Variants in EML5 observed in about 807,000 individuals in gnomAD.
EML5 encodes echinoderm microtubule-associated protein-like 5.
A neutral mutation model predicts 250.0 loss-of-function variants in EML5; 120 were observed. That is an observed-to-expected ratio of 0.48 (90% CI 0.41 to 0.56). EML5 has a LOEUF of 0.56. EML5 is among the 20% of genes least tolerant of loss of function. The pLI is 0.00. For missense variants in EML5, 2,006 were observed against 2,437.6 expected (o/e 0.82, Z 3.73); for synonymous variants, 771 against 806.5 (o/e 0.96, Z 0.75).
intron 27 of EML5, among the ~76,000 whole-genome samples, chr14:88,650,904 A>C (rs2091589737): frequency 6.6e-6 from 1 of 152,146 alleles, no homozygotes; most frequent in African/African-American, 2.4e-5. Flanking sequence ...AGCCTCCCAA[A>C]GCACTGAGAT....
At chr14:88,756,510 C>T (rs2094161822) in intron 1 of EML5, among the ~76,000 whole-genome samples, 1 of 151,794 alleles carries the variant, frequency 6.6e-6, no homozygotes, top group African/African-American at 2.4e-5. Flanking sequence ...AAAAATAGGC[C>T]AGGAAAAGGA....
intron 21 of EML5, among the ~76,000 whole-genome samples, chr14:88,666,943 T>C (rs1256897538): frequency 6.6e-6 from 1 of 152,180 alleles, no homozygotes; most frequent in African/African-American, 2.4e-5. Context: ...GAGATGATGA[T>C]GACCTGGAGC....
intron 8 of EML5, among the ~76,000 whole-genome samples, chr14:88,721,708 G>A (rs770044614): frequency 1.8e-4 from 28 of 152,238 alleles, no homozygotes; most frequent in African/African-American, 4.8e-5. Context: ...ATGGGCATGC[G>A]CAAAGATTTC....
Position 88,657,431 on chromosome 14 carries a change from G to A in EML5, c.3949C>T (p.Pro1317Ser), listed in dbSNP as rs2091912873. The A allele has an allele frequency of 4.4e-6, 7 of 1,600,516 alleles. No individual in the cohort carries two copies. Among genetic ancestry groups the A allele is most frequent in the Non-Finnish European group, 6.0e-6 (7 of 1,172,664 alleles). ...TIRALSTNIR[P>S]MLGIKPHLQQ... ...AAATGAGGCTTGATTCCTAACATTG[G>A]GCGAATATTTGTTGATAAGGCTCTG... Residue 1317 changes from proline to serine, a missense_variant, in exon 27 of 44, where the codon CCA (proline) becomes TCA (serine). This residue lies in a region of EML5 where 1,375 missense variants were observed against 1,590.3 expected (regional missense o/e 0.86). Coordinates refer to ENST00000554922, the MANE Select transcript of EML5 (RefSeq NM_183387.3).
intron 27 of EML5, among the ~76,000 whole-genome samples, chr14:88,655,808 G>A (rs2091846353): frequency 1.3e-5 from 2 of 151,970 alleles, no homozygotes; most frequent in Non-Finnish European, 2.9e-5. Context: ...AAAAAGCTAA[G>A]GATATGAACA....
chr14:88,646,819 G>GC, intron 29 of EML5, 128 bp downstream of exon 29: 2 of 897,856 alleles, frequency 2.2e-6, no homozygotes, highest in Non-Finnish European at 3.2e-6. Flanking sequence ...CAATTCCAAA[G>GC]GAAAAAAATG....
At position 88,710,028 on chromosome 14, in the gene EML5, T is replaced by A. The variant is rs774141030; in HGVS notation, c.1657+2243A>T. Among the ~76,000 whole-genome samples, 119 of 152,304 alleles carry A rather than the reference T, an allele frequency of 7.8e-4. 3 individuals are homozygous for A. The Middle Eastern group carries it at 0.017, about 22-fold the overall frequency. On this transcript the variant is annotated intron_variant, in intron 10 of 43. Coordinates refer to ENST00000554922, the MANE Select transcript of EML5 (RefSeq NM_183387.3). ...GGGTCTTGGCCATTATTAACAGTGA[T>A]GGAGGTGATGGGCTAACGTAACTCT...
intron 17 of EML5, among the ~76,000 whole-genome samples, chr14:88,692,943 T>C (rs1191471417): frequency 6.6e-6 from 1 of 152,208 alleles, no homozygotes; most frequent in African/African-American, 2.4e-5. Context: ...ATTTACATAT[T>C]TTCTCTGAAC....
At chr14:88,753,579 T>C (rs547188256) in intron 2 of EML5, among the ~76,000 whole-genome samples, 1 of 152,282 alleles carries the variant, frequency 6.6e-6, no homozygotes, top group South Asian at 2.1e-4. Flanking sequence ...ACCTGCAAGA[T>C]CCAACTTTTT....
intron 14 of EML5, among the ~76,000 whole-genome samples, chr14:88,697,598 T>C: frequency 6.6e-6 from 1 of 152,216 alleles, no homozygotes; most frequent in Admixed American, 6.5e-5. Context: ...CTATCAATTC[T>C]TAATTATTCC....
At chr14:88,746,756 T>C (rs1210604889) in intron 2 of EML5, among the ~76,000 whole-genome samples, 2 of 152,106 alleles carry the variant, frequency 1.3e-5, no homozygotes, top group African/African-American at 4.8e-5. Flanking sequence ...GTCTAGGGCC[T>C]ACCTAAGGTG....
intron 36 of EML5, chr14:88,623,570 T>A (rs1444723399): frequency 2.0e-5 from 3 of 151,888 alleles, no homozygotes; most frequent in African/African-American, 7.3e-5. Flanking sequence ...ACAGGCACCA[T>A]GCCTGGCTAA....
intron 1 of EML5, among the ~76,000 whole-genome samples, chr14:88,758,011 C>T (rs1403241742): frequency 1.4e-5 from 2 of 146,810 alleles, no homozygotes; most frequent in African/African-American, 2.6e-5. Flanking sequence ...TGCCACCACA[C>T]CTGTCTAATT....
At position 88,620,984 on chromosome 14, in the gene EML5, A is replaced by G. The variant is rs117347160; in HGVS notation, c.5203-58T>C. 7.8e-3 allele frequency: 11,519 copies of G among 1,472,476 alleles called. 55 individuals carry two copies. The highest frequency in any genetic ancestry group is 0.01 in the Admixed American group (362 of 36,072). 91.2% of individuals were successfully genotyped at this position (1,472,476 alleles called of 1,614,324 possible). On this transcript the variant is annotated intron_variant, in intron 38 of 43. Coordinates refer to ENST00000554922, the MANE Select transcript of EML5 (RefSeq NM_183387.3). This position sits in a 1 kb window ranked among gnomAD's most constrained non-coding sequence, Gnocchi z 4.3. Reference sequence around the variant, plus strand: ...AGGAAACATTAAGTGAAGTACTTCTAAATTATACCAGTTTCCCCTCAAAAT... The same window carrying G: ...AGGAAACATTAAGTGAAGTACTTCTGAATTATACCAGTTTCCCCTCAAAAT...
chr14:88,695,601 C>T lies in EML5; in HGVS notation c.2345-147G>A, dbSNP rs2093059600. 11 of 737,264 alleles carry T rather than the reference C, an allele frequency of 1.5e-5. No individual in the cohort carries two copies. The East Asian group carries it at 3.0e-4, about 20-fold the overall frequency. 45.7% of individuals were successfully genotyped at this position (737,264 alleles called of 1,614,324 possible). A position where few individuals can be genotyped will look rare whatever the true frequency, so the allele number is the denominator to read the frequency against. Reference sequence around the variant, plus strand: ...GGCATGCATACACCTATAAAAAGAACCAGAATTTATAAGGGAGGGAGAATA... The same window carrying T: ...GGCATGCATACACCTATAAAAAGAATCAGAATTTATAAGGGAGGGAGAATA... On this transcript the variant is annotated intron_variant, in intron 15 of 43. Transcript: ENST00000554922.
At chr14:88,664,447 A>C in intron 23 of EML5, 46 bp downstream of exon 23, 1 of 1,525,692 alleles carries the variant, frequency 6.6e-7, no homozygotes, top group Non-Finnish European at 8.8e-7. Flanking sequence ...AGCTATACTA[A>C]ATCAAATGAA....
chr14:88,684,799 C>A (rs531717027), intron 20 of EML5, among the ~76,000 whole-genome samples: 5 of 151,930 alleles, frequency 3.3e-5, no homozygotes, highest in South Asian at 2.1e-4. Context: ...TTTCTGTATA[C>A]ATTAACAGAA....
chr14:88,732,058 T>C (rs2093767867), intron 7 of EML5, among the ~76,000 whole-genome samples: 1 of 152,180 alleles, frequency 6.6e-6, no homozygotes. Flanking sequence ...GTGCAGAAGC[T>C]CTTTAGTTTA....
chr14:88,664,358 A>C (rs2092242893), intron 23 of EML5, 135 bp downstream of exon 23: 1 of 698,226 alleles, frequency 1.4e-6, no homozygotes. Context: ...AATAGTAAAA[A>C]ATAATTTTGA....
Sources: allele counts gnomAD v4.1 joint callset (sites outside exome capture counted in the v4.1 genomes callset), GRCh38; gene constraint gnomAD v4.1.1; regional missense constraint gnomAD v4.1.1; non-coding constraint Gnocchi (gnomAD v3.1); transcripts MANE v1.5; gene names NCBI Gene and HGNC (gene_info 2026-07-23, HGNC 2026-07-21).